LYNX1: variants seen among roughly 807,000 people sequenced by gnomAD.
LYNX1 encodes Ly6/neurotoxin 1, also known as ly-6/neurotoxin-like protein 1.
A neutral mutation model predicts 8.3 loss-of-function variants in LYNX1; 8 were observed. That is an observed-to-expected ratio of 0.97 (90% CI 0.57 to 1.74). The LOEUF (loss-of-function observed/expected upper bound fraction) is 1.74. Ranked by LOEUF, LYNX1 falls within the 40% of genes most tolerant of loss-of-function variation. LYNX1 has a pLI of 0.00. For missense variants in LYNX1, 158 were observed against 159.7 expected (o/e 0.99, Z 0.06); for synonymous variants, 73 against 67.9 (o/e 1.08, Z -0.37).
Position 142,772,224 on chromosome 8 carries a change from C to T in LYNX1, c.*2943G>A. On this transcript the variant is annotated 3_prime_UTR_variant, in exon 4 of 4. Transcript: ENST00000652477. Reference sequence around the variant, plus strand: ...ACACAGACAGTGGCAACAGCTAGCCCTGGGCATCTACCCCCATGAAGGGGA... The same window carrying T: ...ACACAGACAGTGGCAACAGCTAGCCTTGGGCATCTACCCCCATGAAGGGGA... 1.0e-6 allele frequency: 1 copy of T among 986,040 alleles called. No individual in the cohort carries two copies. The allele number at this position is 986,040 out of a possible 1,614,324, so 61.1% of individuals were successfully genotyped here.
At position 142,772,815 on chromosome 8, in the gene LYNX1, C is replaced by T. The variant is rs1397852433; in HGVS notation, c.*2352G>A. On this transcript the variant is annotated 3_prime_UTR_variant, in exon 4 of 4. Transcript: ENST00000652477. ...AGCTGAGTGCCTTCTGTGTGCTCTA[C>T]GCCAGGTGCCAAGGGCAGGCCAGCC... The T allele has an allele frequency of 8.1e-6, 8 of 985,768 alleles. No homozygotes were observed. The highest frequency in any genetic ancestry group is 4.7e-5 in the South Asian group (1 of 21,292). The allele number at this position is 985,768 out of a possible 1,614,324, so 61.1% of individuals were successfully genotyped here.
At chr8:142,776,185 G>T (rs1419418567) in intron 1 of LYNX1, 64 bp from the exon 2 acceptor site, 10 of 581,056 alleles carry the variant, frequency 1.7e-5, no homozygotes, top group Admixed American at 2.9e-5. Context: ...GGGGGCCTGG[G>T]CAGGGATGAT....
chr8:142,772,939 C>A lies in LYNX1; in HGVS notation c.*2228G>T. 2.0e-6 allele frequency: 2 copies of A among 985,956 alleles called. No individual in the cohort carries two copies. Among genetic ancestry groups the A allele is most frequent in the Non-Finnish European group, 2.4e-6 (2 of 830,342 alleles). The allele number at this position is 985,956 out of a possible 1,614,324, so 61.1% of individuals were successfully genotyped here. A position where few individuals can be genotyped will look rare whatever the true frequency, so the allele number is the denominator to read the frequency against. On this transcript the variant is annotated 3_prime_UTR_variant, in exon 4 of 4. Coordinates refer to ENST00000652477, the MANE Select transcript of LYNX1 (RefSeq NM_177477.4). ...GTGAGAAGCTGCCCACCCCACCCCT[C>A]AACACCACAGCACTTCCAGCTCCAG... is the stretch of plus-strand genomic sequence containing the variant.
chr8:142,774,145 G>GCCCGGGGCCCCC lies in LYNX1; in HGVS notation c.*1021_*1022insGGGGGCCCCGGG. The GCCCGGGGCCCCC allele has an allele frequency of 2.0e-6, 2 of 981,854 alleles. No individual in the cohort carries two copies. The highest frequency in any genetic ancestry group is 2.4e-6 in the Non-Finnish European group (2 of 827,988). The allele number at this position is 981,854 out of a possible 1,614,324, so 60.8% of individuals were successfully genotyped here. A position where few individuals can be genotyped will look rare whatever the true frequency, so the allele number is the denominator to read the frequency against. ...GCTGCGGGGGAGGGGCTGGGTCTCCGCCCTCCCCACCCCACCCTCCCCACT... is the reference window on the plus strand; with the variant it reads ...GCTGCGGGGGAGGGGCTGGGTCTCCGCCCGGGGCCCCCCCCTCCCCACCCCACCCTCCCCACT... On this transcript the variant is annotated 3_prime_UTR_variant, in exon 4 of 4. Transcript: ENST00000652477.
rs146319653 is a variant in LYNX1 at position 142,774,668 on chromosome 8, G to A, written c.*499C>T. ...GCCCTCCTCCCACAGCCCTGATCCC[G>A]TACCGGTCCTGGCAGCTCCTGGCCT... On this transcript the variant is annotated 3_prime_UTR_variant, in exon 4 of 4. Coordinates refer to ENST00000652477, the MANE Select transcript of LYNX1 (RefSeq NM_177477.4). 157 of 991,068 alleles carry A rather than the reference G, an allele frequency of 1.6e-4. No individual in the cohort carries two copies. Among genetic ancestry groups the A allele is most frequent in the East Asian group, 1.3e-3 (12 of 9,016 alleles). 61.4% of individuals were successfully genotyped at this position (991,068 alleles called of 1,614,324 possible).
chr8:142,773,380 C>A lies in LYNX1; in HGVS notation c.*1787G>T, dbSNP rs1258631626. On this transcript the variant is annotated 3_prime_UTR_variant, in exon 4 of 4. Transcript: ENST00000652477. ...GGGTAGGGGCGAGGGGAGTCCAGGCCCACCCTGTGCTGGCAGCAACTCCTT... is the reference window on the plus strand; with the variant it reads ...GGGTAGGGGCGAGGGGAGTCCAGGCACACCCTGTGCTGGCAGCAACTCCTT... The A allele has an allele frequency of 2.0e-6, 2 of 985,660 alleles. No homozygotes were observed. Among genetic ancestry groups the A allele is most frequent in the Non-Finnish European group, 2.4e-6 (2 of 830,220 alleles). The allele number at this position is 985,660 out of a possible 1,614,324, so 61.1% of individuals were successfully genotyped here. A position where few individuals can be genotyped will look rare whatever the true frequency, so the allele number is the denominator to read the frequency against.
chr8:142,773,262 G>A lies in LYNX1; in HGVS notation c.*1905C>T, dbSNP rs1370302653. 2 of 985,334 alleles carry A rather than the reference G, an allele frequency of 2.0e-6. No homozygotes were observed. Among genetic ancestry groups the A allele is most frequent in the Non-Finnish European group, 2.4e-6 (2 of 829,942 alleles). The allele number at this position is 985,334 out of a possible 1,614,324, so 61.0% of individuals were successfully genotyped here. Reference sequence around the variant, plus strand: ...CTGAGGCTGGCACTTGCAGGTGGGGGCCCTTGGGAGCTCTGGGAGGCACCT... The same window carrying A: ...CTGAGGCTGGCACTTGCAGGTGGGGACCCTTGGGAGCTCTGGGAGGCACCT... On this transcript the variant is annotated 3_prime_UTR_variant, in exon 4 of 4. Transcript: ENST00000652477.
In LYNX1 at chr8:142,772,127, AC is replaced by A; in HGVS notation, c.*3039del. 1.0e-6 allele frequency: 1 copy of A among 986,300 alleles called. No individual in the cohort carries two copies. The highest frequency in any genetic ancestry group is 1.2e-6 in the Non-Finnish European group (1 of 830,266). 61.1% of individuals were successfully genotyped at this position (986,300 alleles called of 1,614,324 possible). On this transcript the variant is annotated 3_prime_UTR_variant, in exon 4 of 4. Coordinates refer to ENST00000652477, the MANE Select transcript of LYNX1 (RefSeq NM_177477.4). ...TCCTGTCCAGTTCCCAGAATGTATAACATCCTAGGGTGACAGAGCCCGCCCA... is the reference window on the plus strand; with the variant it reads ...TCCTGTCCAGTTCCCAGAATGTATAAATCCTAGGGTGACAGAGCCCGCCCA...
At chr8:142,776,505 G>A in intron 1 of LYNX1, 1 of 164,196 alleles carries the variant, frequency 6.1e-6, no homozygotes, top group Admixed American at 5.6e-5. Flanking sequence ...CCCAAGCAGG[G>A]CCCTGGGGGC....
chr8:142,773,968 G>C lies in LYNX1; in HGVS notation c.*1199C>G. 3.0e-6 allele frequency: 3 copies of C among 985,408 alleles called. No homozygotes were observed. Among genetic ancestry groups the C allele is most frequent in the African/African-American group, 1.7e-5 (1 of 57,342 alleles). The allele number at this position is 985,408 out of a possible 1,614,324, so 61.0% of individuals were successfully genotyped here. A position where few individuals can be genotyped will look rare whatever the true frequency, so the allele number is the denominator to read the frequency against. On this transcript the variant is annotated 3_prime_UTR_variant, in exon 4 of 4. Transcript: ENST00000652477. Reference sequence around the variant, plus strand: ...CCCTGGGCTACCTGCATCGGGGATGGATTGGTGCGTGTTGGGCTGACCCCT... The same window carrying C: ...CCCTGGGCTACCTGCATCGGGGATGCATTGGTGCGTGTTGGGCTGACCCCT...
Position 142,775,651 on chromosome 8 carries a change from G to C in LYNX1, c.96C>G (p.Asn32Lys). ...CCGGGCAGCGCATGGGGTTGAAGCA[G>C]TTGTCTCCGTTGTAGGCACACACGT... Reference protein sequence around the residue: ...DCHVCAYNGDNCFNPMRCPAM... With the variant: ...DCHVCAYNGDKCFNPMRCPAM... Residue 32 changes from asparagine to lysine, a missense_variant, in exon 3 of 4, where the codon AAC (asparagine) becomes AAG (lysine). Physicochemically the swap from Asn to Lys is moderately conservative, Grantham distance 94. Coordinates refer to ENST00000652477, the MANE Select transcript of LYNX1 (RefSeq NM_177477.4). 1 of 1,604,114 alleles carries C rather than the reference G, an allele frequency of 6.2e-7. No individual in the cohort carries two copies.
Position 142,771,458 on chromosome 8 carries a change from C to T in LYNX1, c.*3709G>A. On this transcript the variant is annotated 3_prime_UTR_variant, in exon 4 of 4. Coordinates refer to ENST00000652477, the MANE Select transcript of LYNX1 (RefSeq NM_177477.4). ...AAGCTCAGGGCTGGGCGGAAGCTGG[C>T]AGGGCTGTCCACAGGGAGGACCCCC... 1 of 985,422 alleles carries T rather than the reference C, an allele frequency of 1.0e-6. No individual in the cohort carries two copies. The highest frequency in any genetic ancestry group is 1.2e-6 in the Non-Finnish European group (1 of 829,952). The allele number at this position is 985,422 out of a possible 1,614,324, so 61.0% of individuals were successfully genotyped here.
In LYNX1 at chr8:142,772,031, A is replaced by G. The variant is rs1288067998; in HGVS notation, c.*3136T>C. The G allele has an allele frequency of 2.0e-6, 2 of 985,920 alleles. No homozygotes were observed. The highest frequency in any genetic ancestry group is 3.5e-5 in the African/African-American group (2 of 57,148). The allele number at this position is 985,920 out of a possible 1,614,324, so 61.1% of individuals were successfully genotyped here. ...CATCCCAGGGTGCCAGAGCCCACCC[A>G]AGCAGCCACTCCTGTCCAGTTCCCA... On this transcript the variant is annotated 3_prime_UTR_variant, in exon 4 of 4. Coordinates refer to ENST00000652477, the MANE Select transcript of LYNX1 (RefSeq NM_177477.4).
chr8:142,771,973 C>T lies in LYNX1; in HGVS notation c.*3194G>A. 1 of 986,124 alleles carries T rather than the reference C, an allele frequency of 1.0e-6. No individual in the cohort carries two copies. The highest frequency in any genetic ancestry group is 4.7e-5 in the South Asian group (1 of 21,304). The allele number at this position is 986,124 out of a possible 1,614,324, so 61.1% of individuals were successfully genotyped here. On this transcript the variant is annotated 3_prime_UTR_variant, in exon 4 of 4. Coordinates refer to ENST00000652477, the MANE Select transcript of LYNX1 (RefSeq NM_177477.4). ...GTCACTTCCTGTAGCTCCGACTTCT[C>T]TAGTGGCTGATTGCAGTTCCCAGAA...
chr8:142,771,869 C>T lies in LYNX1; in HGVS notation c.*3298G>A. On this transcript the variant is annotated 3_prime_UTR_variant, in exon 4 of 4. Transcript: ENST00000652477. ...AGGGCCGCAGCCCTGCCCCCAAAGACCCCAGGACAGACCAGAGCTCCTGCT... is the reference window on the plus strand; with the variant it reads ...AGGGCCGCAGCCCTGCCCCCAAAGATCCCAGGACAGACCAGAGCTCCTGCT... The T allele has an allele frequency of 2.0e-6, 2 of 985,958 alleles. No individual in the cohort carries two copies. The highest frequency in any genetic ancestry group is 1.7e-5 in the African/African-American group (1 of 57,314). 61.1% of individuals were successfully genotyped at this position (985,958 alleles called of 1,614,324 possible).
At position 142,773,194 on chromosome 8, in the gene LYNX1, G is replaced by A. The variant is rs587672399; in HGVS notation, c.*1973C>T. On this transcript the variant is annotated 3_prime_UTR_variant, in exon 4 of 4. Coordinates refer to ENST00000652477, the MANE Select transcript of LYNX1 (RefSeq NM_177477.4). Reference sequence around the variant, plus strand: ...CCTCCCTCCCGGTAAGCATCCCAAGGCATCGCTGGCTGCAGCTGAGAGGGC... The same window carrying A: ...CCTCCCTCCCGGTAAGCATCCCAAGACATCGCTGGCTGCAGCTGAGAGGGC... 1,763 of 985,646 alleles carry A rather than the reference G, an allele frequency of 1.8e-3. 4 individuals carry two copies. The highest frequency in any genetic ancestry group is 2.0e-3 in the Non-Finnish European group (1,668 of 830,078). 61.1% of individuals were successfully genotyped at this position (985,646 alleles called of 1,614,324 possible).
At position 142,773,886 on chromosome 8, in the gene LYNX1, C is replaced by T; in HGVS notation, c.*1281G>A. On this transcript the variant is annotated 3_prime_UTR_variant, in exon 4 of 4. Transcript: ENST00000652477. ...GGGGGCCTCAGGTGCAGCGTGACCG[C>T]TGGCACCAAAAGGTCTCACGCCCCC... 1 of 985,446 alleles carries T rather than the reference C, an allele frequency of 1.0e-6. No homozygotes were observed. The highest frequency in any genetic ancestry group is 1.2e-6 in the Non-Finnish European group (1 of 829,936). 61.0% of individuals were successfully genotyped at this position (985,446 alleles called of 1,614,324 possible).
Position 142,773,664 on chromosome 8 carries a change from T to C in LYNX1, c.*1503A>G. 1.0e-6 allele frequency: 1 copy of C among 985,194 alleles called. No homozygotes were observed. The highest frequency in any genetic ancestry group is 1.2e-6 in the Non-Finnish European group (1 of 829,880). 61.0% of individuals were successfully genotyped at this position (985,194 alleles called of 1,614,324 possible). On this transcript the variant is annotated 3_prime_UTR_variant, in exon 4 of 4. Coordinates refer to ENST00000652477, the MANE Select transcript of LYNX1 (RefSeq NM_177477.4). The stretch of plus-strand genomic sequence containing the variant: ...ACTCACTGCAAGGAGACCCCTGGGG[T>C]GGAGACCCTCATTCCCTGATCCCCC...
rs587708071 is a variant in LYNX1, at chr8:142,774,945, G to A, written c.*222C>T. The A allele has an allele frequency of 1.1e-4, 163 of 1,422,206 alleles. No homozygotes were observed. In the African/African-American group the frequency reaches 1.8e-3, roughly 16 times the overall value. 88.1% of individuals were successfully genotyped at this position (1,422,206 alleles called of 1,614,324 possible). ...AGGGGCTGATCAGCCCATCAAAGCCGGACACTTTTGGGATCCCACACAGCA... is the reference window on the plus strand; with the variant it reads ...AGGGGCTGATCAGCCCATCAAAGCCAGACACTTTTGGGATCCCACACAGCA... On this transcript the variant is annotated 3_prime_UTR_variant, in exon 4 of 4. Transcript: ENST00000652477.
Sources: allele counts gnomAD v4.1 joint callset, GRCh38; gene constraint gnomAD v4.1.1; transcripts MANE v1.5; gene names NCBI Gene and HGNC (gene_info 2026-07-23, HGNC 2026-07-21).